The following CSF2RB variants were observed in gnomAD, a reference collection of about 807,000 sequenced individuals.
CSF2RB encodes the protein colony stimulating factor 2 receptor subunit beta.
CSF2RB carries 22 observed loss-of-function variants against 67.2 expected under a neutral mutation model. The ratio of observed to expected loss-of-function variants is 0.33; its 90% CI spans 0.23 to 0.47. The LOEUF is 0.47. Ranked by LOEUF, CSF2RB falls within the 20% of genes least tolerant of loss-of-function variation. The probability of loss-of-function intolerance (pLI) is 1.00; values close to 1 mark genes in which losing one functional copy is unlikely to be tolerated. For missense variants in CSF2RB, 1,113 were observed against 1,174.5 expected, an observed-to-expected ratio of 0.95 and a Z score of 0.76; for synonymous variants, 507 against 482.9, an observed-to-expected ratio of 1.05 and a Z score of -0.65.
At chr22:36,921,540 C>T (rs1940870361) in intron 1 of CSF2RB, among the ~76,000 whole-genome samples, 1 of 152,052 alleles carries the variant, frequency 6.6e-6, no homozygotes, top group Non-Finnish European at 1.5e-5. Flanking sequence ...AGGAGCCACA[C>T]TTGTCTGTTC....
Position 36,922,225 on chromosome 22 carries a change from G to T in CSF2RB, c.18G>T (p.Gly6=). 6.3e-7 allele frequency: 1 copy of T among 1,590,504 alleles called. No homozygotes were observed. Among genetic ancestry groups the T allele is most frequent in the Non-Finnish European group, 8.6e-7 (1 of 1,169,294 alleles). Residue 6 remains glycine (G), a synonymous_variant, in exon 2 of 14, where the codon GGG becomes GGT. Transcript: ENST00000403662. ...CCAGGGAGATGGTGCTGGCCCAGGG[G>T]CTGCTCTCCATGGCCCTGCTGGCCC... MVLAQ[G]LLSMALLALC...
intron 1 of CSF2RB, among the ~76,000 whole-genome samples, chr22:36,916,045 A>G (rs948639633): frequency 2.0e-5 from 3 of 152,184 alleles, no homozygotes; most frequent in Non-Finnish European, 2.9e-5. Context: ...CTCCCAGGTT[A>G]TGACTTATCT....
intron 1 of CSF2RB, among the ~76,000 whole-genome samples, chr22:36,915,122 T>C (rs1242999050): frequency 6.6e-6 from 1 of 152,234 alleles, no homozygotes; most frequent in Non-Finnish European, 1.5e-5. Flanking sequence ...TTTACTCTTG[T>C]CGCCCAGGCT....
intron 4 of CSF2RB, among the ~76,000 whole-genome samples, chr22:36,928,357 C>G (rs1482717267): frequency 6.6e-6 from 1 of 152,112 alleles, no homozygotes; most frequent in Admixed American, 6.5e-5. Context: ...AAGAGCTCCC[C>G]CTCCATGACA....
At position 36,929,686 on chromosome 22, in the gene CSF2RB, A is replaced by G. The variant is rs771509643; in HGVS notation, c.597A>G (p.Pro199=). 1 of 1,614,106 alleles carries G rather than the reference A, an allele frequency of 6.2e-7. No individual in the cohort carries two copies. ...ACACCTCCCAGGCCACCCTGGGGCC[A>G]GAGCACCTCATGCCCAGCAGCACCT... ...LSNTSQATLG[P]EHLMPSSTYV... The change falls in exon 6 of 14, where the codon CCA becomes CCG. Residue 199 remains proline (P), a synonymous_variant. Coordinates refer to ENST00000403662, the MANE Select transcript of CSF2RB (RefSeq NM_000395.3).
At chr22:36,933,022 G>A (rs1040211365) in intron 9 of CSF2RB, 118 bp downstream of exon 9, 2 of 1,238,442 alleles carry the variant, frequency 1.6e-6, no homozygotes, top group Non-Finnish European at 2.3e-6. Context: ...GTGAGAGGTA[G>A]CCACTGGGAC....
chr22:36,917,467 T>C (rs1191998504), intron 1 of CSF2RB, among the ~76,000 whole-genome samples: 1 of 152,178 alleles, frequency 6.6e-6, no homozygotes, highest in African/African-American at 2.4e-5. Context: ...ATGTGCATGT[T>C]TATTTTGAGT....
chr22:36,924,245 T>C (rs1424245475), intron 3 of CSF2RB, among the ~76,000 whole-genome samples: 1 of 150,728 alleles, frequency 6.6e-6, no homozygotes, highest in Non-Finnish European at 1.5e-5. Flanking sequence ...AGGGAGAAGC[T>C]CCCCACCCAC....
chr22:36,915,437 T>TAC lies in CSF2RB; in HGVS notation c.-173+1761_-173+1762insCA, dbSNP rs1166082035. On this transcript the variant is annotated intron_variant, in intron 1 of 13. Transcript: ENST00000403662. ...ATTATTTTATTTATATATATATATATATATTCCTAATTTTTTCACTTAATA... is the reference window on the plus strand; with the variant it reads ...ATTATTTTATTTATATATATATATATACATATTCCTAATTTTTTCACTTAATA... 2.7e-5 allele frequency among the ~76,000 whole-genome samples: 4 copies of TAC among 150,026 alleles called. No individual in the cohort carries two copies. The East Asian group carries it at 7.7e-4, about 29-fold the overall frequency.
chr22:36,930,177 C>T (rs924454972), intron 6 of CSF2RB, among the ~76,000 whole-genome samples, 198 bp from the exon 7 acceptor site: 4 of 151,972 alleles, frequency 2.6e-5, no homozygotes, highest in Non-Finnish European at 4.4e-5. Context: ...CCCGGGAGGG[C>T]GTGCAGGTGC....
At chr22:36,921,522 A>T (rs1345205431) in intron 1 of CSF2RB, among the ~76,000 whole-genome samples, 1 of 152,124 alleles carries the variant, frequency 6.6e-6, no homozygotes, top group Non-Finnish European at 1.5e-5. Context: ...ACAATCTAAC[A>T]GAAGAAAAGG....
In CSF2RB at chr22:36,923,378, C is replaced by A. The variant is rs370731851; in HGVS notation, c.200+11C>A. The A allele has an allele frequency of 1.5e-5, 24 of 1,613,158 alleles. No individual in the cohort carries two copies. The highest frequency in any genetic ancestry group is 1.6e-4 in the Middle Eastern group (1 of 6,062). On this transcript the variant is annotated intron_variant, in intron 3 of 13. Coordinates refer to ENST00000403662, the MANE Select transcript of CSF2RB (RefSeq NM_000395.3). ...TCGCCGGGTGAATGAGTGAGTGATG[C>A]TGGGGGCAGGGGCCACGGGCAGGGG...
At chr22:36,929,330 A>G in intron 4 of CSF2RB, 72 bp from the exon 5 acceptor site, 3 of 1,607,470 alleles carry the variant, frequency 1.9e-6, no homozygotes, top group Non-Finnish European at 2.6e-6. Flanking sequence ...GTGTCCACAC[A>G]AAAGGCCATG....
At chr22:36,921,860 C>A (rs541403528) in intron 1 of CSF2RB, among the ~76,000 whole-genome samples, 176 bp from the exon 2 acceptor site, 2 of 152,210 alleles carry the variant, frequency 1.3e-5, no homozygotes, top group African/African-American at 2.4e-5. Context: ...GTCAGTGATC[C>A]AAGTGGGGAC....
chr22:36,937,806 C>T lies in CSF2RB; in HGVS notation c.1998C>T (p.Pro666=), dbSNP rs1380987253. The T allele has an allele frequency of 2.1e-5, 34 of 1,598,382 alleles. No homozygotes were observed. Among genetic ancestry groups the T allele is most frequent in the Non-Finnish European group, 2.8e-5 (33 of 1,172,760 alleles). ...CGAGCCAGGGGGCTGCAGGGAGTCC[C>T]TCCCTGGAGTCCGGGGGAGGCCCTG... is the stretch of plus-strand genomic sequence containing the variant. The part of the protein sequence containing the change: ...RRPSQGAAGS[P]SLESGGGPAP... The change falls in exon 14 of 14, where the codon CCC becomes CCT. Residue 666 remains proline (P), a synonymous_variant. Transcript: ENST00000403662. The surrounding 1 kb of genome is among the most constrained non-coding windows in gnomAD (Gnocchi z 4.6).
intron 1 of CSF2RB, among the ~76,000 whole-genome samples, chr22:36,914,775 G>A (rs573445265): frequency 6.6e-6 from 1 of 151,906 alleles, no homozygotes; most frequent in South Asian, 2.1e-4. Flanking sequence ...TTTCCTATTA[G>A]CTTTTGGTCA....
Position 36,938,498 on chromosome 22 carries a change from G to T in CSF2RB, c.2690G>T (p.Cys897Phe), listed in dbSNP as rs557905082. 3.0e-5 allele frequency: 49 copies of T among 1,611,730 alleles called. No homozygotes were observed. In the South Asian group the frequency reaches 5.2e-4, roughly 17 times the overall value. ...GAGGTCAACAAGCCTGGGGAGGTGT[G>T]TTGAGACCCCCAGGCCTAGACAGGC... ...PWEVNKPGEV[C>F] The change falls in exon 14 of 14, where the codon TGT (cysteine) becomes TTT (phenylalanine). Residue 897 changes from cysteine (C) to phenylalanine (F), a missense_variant. By Grantham distance (205) the Cys-to-Phe change is radical. Coordinates refer to ENST00000403662, the MANE Select transcript of CSF2RB (RefSeq NM_000395.3).
At chr22:36,921,026 T>G (rs1030373247) in intron 1 of CSF2RB, among the ~76,000 whole-genome samples, 2 of 151,826 alleles carry the variant, frequency 1.3e-5, no homozygotes, top group Admixed American at 1.3e-4. Context: ...TATCTGTATG[T>G]GTGTGTGTAT....
intron 1 of CSF2RB, among the ~76,000 whole-genome samples, chr22:36,918,678 A>G (rs945281844): frequency 6.6e-6 from 1 of 152,150 alleles, no homozygotes; most frequent in Non-Finnish European, 1.5e-5. Context: ...AGCTTTCCCC[A>G]TTTGCTGTTG....
Sources: gnomAD v4.1 joint callset for allele counts (sites outside exome capture counted in the v4.1 genomes callset) on GRCh38, gnomAD v4.1.1 for gene constraint, Gnocchi (gnomAD v3.1) non-coding constraint, MANE v1.5 for transcripts, NCBI Gene and HGNC (gene_info 2026-07-23, HGNC 2026-07-21) for gene names.